TRAF3: variants seen among roughly 807,000 people sequenced by gnomAD.
The protein encoded by TRAF3 is TNF receptor-associated factor 3.
A neutral mutation model predicts 62.3 loss-of-function variants in TRAF3; 13 were observed. The ratio of observed to expected loss-of-function variants is 0.21; its 90% CI spans 0.14 to 0.33. The LOEUF is 0.33. Ranked by LOEUF, TRAF3 falls within the 10% of genes least tolerant of loss-of-function variation. The probability of loss-of-function intolerance (pLI) is 1.00; values close to 1 mark genes in which losing one functional copy is unlikely to be tolerated. For missense variants in TRAF3, 440 were observed against 741.8 expected (o/e 0.59, Z 4.73); for synonymous variants, 269 against 283.4 (o/e 0.95, Z 0.51).
chr14:102,884,178 C>T (rs1055941381), intron 6 of TRAF3, among the ~76,000 whole-genome samples: 2 of 152,200 alleles, frequency 1.3e-5, no homozygotes, highest in Admixed American at 6.5e-5. Context: ...TTTCTGGAGC[C>T]ACCAGCAGTC....
chr14:102,810,638 T>C (rs1438840738), intron 1 of TRAF3: 3 of 152,210 alleles, frequency 2.0e-5, no homozygotes, highest in Non-Finnish European at 4.4e-5. Flanking sequence ...CTTATCATGA[T>C]GTGGGCTTAT....
chr14:102,898,972 G>T (rs968452624), intron 10 of TRAF3, among the ~76,000 whole-genome samples: 1 of 152,198 alleles, frequency 6.6e-6, no homozygotes, highest in African/African-American at 2.4e-5. Context: ...AGGTGATGGC[G>T]CACCTGCCTC....
intron 2 of TRAF3, among the ~76,000 whole-genome samples, chr14:102,852,838 C>T (rs940512992): frequency 1.7e-4 from 26 of 152,004 alleles, no homozygotes; most frequent in African/African-American, 6.0e-4. Context: ...GTAGCTAGGA[C>T]TCACAGGCAT....
intron 6 of TRAF3, among the ~76,000 whole-genome samples, chr14:102,879,865 C>T (rs1325172758): frequency 1.3e-5 from 2 of 151,958 alleles, no homozygotes; most frequent in Non-Finnish European, 2.9e-5. Flanking sequence ...ACCTGTGTGC[C>T]CAGCACTTTG....
At chr14:102,856,583 T>C (rs939973131) in intron 2 of TRAF3, among the ~76,000 whole-genome samples, 6 of 152,198 alleles carry the variant, frequency 3.9e-5, no homozygotes, top group African/African-American at 1.2e-4. Context: ...ATTACCTGTA[T>C]CTTGTGCCGA....
intron 6 of TRAF3, among the ~76,000 whole-genome samples, chr14:102,881,784 C>G (rs1440078464): frequency 2.0e-5 from 3 of 152,148 alleles, no homozygotes; most frequent in Admixed American, 1.3e-4. Flanking sequence ...TTGCTTCTTG[C>G]CAAAATCAGT....
intron 2 of TRAF3, among the ~76,000 whole-genome samples, chr14:102,840,308 G>A (rs1277741356): frequency 6.6e-6 from 1 of 152,168 alleles, no homozygotes; most frequent in Non-Finnish European, 1.5e-5. Context: ...CTACAGCTAT[G>A]GTAATACAGA....
At chr14:102,870,544 T>G (rs900838040) in intron 3 of TRAF3, 98 bp downstream of exon 3, 21 of 1,500,070 alleles carry the variant, frequency 1.4e-5, no homozygotes, top group Admixed American at 6.0e-5. Flanking sequence ...TCTAGAGGTT[T>G]AAAGCCCTAA....
intron 2 of TRAF3, among the ~76,000 whole-genome samples, chr14:102,868,304 G>A (rs1888125913): frequency 6.6e-6 from 1 of 152,224 alleles, no homozygotes; most frequent in African/African-American, 2.4e-5. Flanking sequence ...AGCAGCTACT[G>A]ATGTGAGGCG....
At chr14:102,888,103 G>C (rs766559104) in intron 7 of TRAF3, among the ~76,000 whole-genome samples, 26 of 152,192 alleles carry the variant, frequency 1.7e-4, no homozygotes, top group Non-Finnish European at 3.4e-4. Context: ...ATCAAACCCA[G>C]TGTGTCAGTG....
rs1889585405 is a variant in TRAF3 at position 102,889,430 on chromosome 14, GAT to G, written c.652-124_652-123del. The stretch of plus-strand genomic sequence containing the variant: ...CTGCATAGAAGTCTAGGCAGCAGAT[GAT>G]ATATACACACCTGTAGCGATAAACA... On this transcript the variant is annotated intron_variant, in intron 7 of 11. Transcript: ENST00000392745. 50 of 906,804 alleles carry G rather than the reference GAT, an allele frequency of 5.5e-5. 3 individuals carry two copies. In the Middle Eastern group the frequency reaches 2.8e-3, roughly 50 times the overall value. The allele number at this position is 906,804 out of a possible 1,614,324, so 56.2% of individuals were successfully genotyped here.
intron 10 of TRAF3, among the ~76,000 whole-genome samples, chr14:102,898,602 G>T (rs1595408965): frequency 6.6e-6 from 1 of 152,314 alleles, no homozygotes; most frequent in South Asian, 2.1e-4. Context: ...TGGAAAGGCC[G>T]GGGAAATCAC....
chr14:102,783,278 G>A (rs148333170), intron 1 of TRAF3, among the ~76,000 whole-genome samples: 103 of 152,258 alleles, frequency 6.8e-4, no homozygotes, highest in African/African-American at 1.7e-3. Flanking sequence ...CCATCCTCCC[G>A]TTCTGATAAT....
At chr14:102,821,742 TTAAATA>T (rs1899998368) in intron 1 of TRAF3, among the ~76,000 whole-genome samples, 2 of 152,196 alleles carry the variant, frequency 1.3e-5, no homozygotes, top group Non-Finnish European at 2.9e-5. Context: ...AGTGTGGCCT[TTAAATA>T]CTCAGGGTTT....
intron 2 of TRAF3, among the ~76,000 whole-genome samples, chr14:102,831,470 G>A (rs1402312118): frequency 6.6e-6 from 1 of 152,210 alleles, no homozygotes; most frequent in African/African-American, 2.4e-5. Context: ...TTACCACATG[G>A]TGAAGAGAGG....
Position 102,870,182 on chromosome 14 carries a change from C to G in TRAF3, c.-17-3C>G. 6.2e-7 allele frequency: 1 copy of G among 1,614,050 alleles called. No individual in the cohort carries two copies. Among genetic ancestry groups the G allele is most frequent in the East Asian group, 2.2e-5 (1 of 44,860 alleles). On this transcript the variant is annotated splice_polypyrimidine_tract_variant and splice_region_variant and intron_variant, in intron 2 of 11. Coordinates refer to ENST00000392745, the MANE Select transcript of TRAF3 (RefSeq NM_145725.3). ...ATGGCACTCTACTGTTTTTTCCCGA[C>G]AGAACTCCTCTTTCCTAAAATGGAG...
intron 1 of TRAF3, among the ~76,000 whole-genome samples, chr14:102,792,805 G>A (rs886130985): frequency 1.3e-5 from 2 of 151,428 alleles, no homozygotes; most frequent in African/African-American, 4.9e-5. Flanking sequence ...GAAGATTTTT[G>A]TGTCTATGTT....
chr14:102,780,676 G>C (rs1382772545), intron 1 of TRAF3, among the ~76,000 whole-genome samples: 1 of 152,154 alleles, frequency 6.6e-6, no homozygotes, highest in Non-Finnish European at 1.5e-5. Flanking sequence ...TATTCCTCGA[G>C]ATAAGTGGAT....
chr14:102,893,679 AACT>A (rs1488280378), intron 9 of TRAF3, among the ~76,000 whole-genome samples: 3 of 152,206 alleles, frequency 2.0e-5, no homozygotes, highest in Non-Finnish European at 4.4e-5. Context: ...CATGTGTTTA[AACT>A]ATCTCCAGCC....
Sources: gnomAD v4.1 joint callset for allele counts (sites outside exome capture counted in the v4.1 genomes callset) on GRCh38, gnomAD v4.1.1 for gene constraint, MANE v1.5 for transcripts, NCBI Gene and HGNC (gene_info 2026-07-23, HGNC 2026-07-21) for gene names.